NUP155: variants seen among roughly 807,000 people sequenced by gnomAD.
The protein encoded by NUP155 is nucleoporin 155, also known as nuclear pore complex protein Nup155.
Under a neutral mutation model 180.4 loss-of-function variants are expected in NUP155, and 71 were observed. That is an observed-to-expected ratio of 0.39 (90% CI 0.33 to 0.48). The LOEUF (loss-of-function observed/expected upper bound fraction) is 0.48. Among genes scored for constraint, NUP155 ranks in the 20% least tolerant of loss-of-function variants. The probability of loss-of-function intolerance (pLI) is 0.91; values close to 1 mark genes in which losing one functional copy is unlikely to be tolerated. For synonymous variants in NUP155, 582 were observed against 559.5 expected, an observed-to-expected ratio of 1.04 and a Z score of -0.57; for missense variants, 1,553 against 1,648.9, an observed-to-expected ratio of 0.94 and a Z score of 1.01.
Position 37,294,000 on chromosome 5 carries a change from C to T in NUP155, c.3930+329G>A, listed in dbSNP as rs1211495960. Among the ~76,000 whole-genome samples, 3 of 27,136 alleles carry T rather than the reference C, an allele frequency of 1.1e-4. 1 individual carries two copies. Among genetic ancestry groups the T allele is most frequent in the South Asian group, 2.5e-3 (2 of 800 alleles). The allele number at this position is 27,136 out of a possible 152,430, so 17.8% of individuals were successfully genotyped here. On this transcript the variant is annotated intron_variant, in intron 33 of 34. Transcript: ENST00000231498. ...CGGCCTGGGCAACAGAGCGAGACGCCGTCTCAAAAAAAAAAAAAAAAAAAA... is the reference window on the plus strand; with the variant it reads ...CGGCCTGGGCAACAGAGCGAGACGCTGTCTCAAAAAAAAAAAAAAAAAAAA...
chr5:37,334,525 C>T (rs1057052574), intron 12 of NUP155, among the ~76,000 whole-genome samples: 6 of 151,932 alleles, frequency 3.9e-5, no homozygotes, highest in Admixed American at 6.6e-5. Flanking sequence ...GGATTAGAGA[C>T]GCACACCACC....
intron 10 of NUP155, among the ~76,000 whole-genome samples, chr5:37,341,555 T>A (rs980120783): frequency 1.3e-5 from 2 of 152,112 alleles, no homozygotes; most frequent in African/African-American, 4.8e-5. Flanking sequence ...TTTTATTTTT[T>A]TTTGAGACAG....
chr5:37,292,417 G>C (rs904439569), intron 34 of NUP155, among the ~76,000 whole-genome samples: 4 of 151,790 alleles, frequency 2.6e-5, no homozygotes, highest in African/African-American at 9.7e-5. Context: ...GGGGTTTCAC[G>C]TGTTAGCCAG....
In NUP155 at chr5:37,303,290, C is replaced by T. The variant is rs148111764; in HGVS notation, c.3287G>A (p.Arg1096His). Residue 1096 changes from arginine (R) to histidine (H), a missense_variant, in exon 28 of 35, where the codon CGT becomes CAT. Physicochemically the swap from Arg to His is conservative, Grantham distance 29 (BLOSUM62 0). Transcript: ENST00000231498. ...CATGTCAGCCAGTCTGGACAGTACA[C>T]GAGCAGCATTACTGAAACTTCTGTT... ...EKNRSFSNAA[R>H]VLSRLADMHS... The T allele has an allele frequency of 4.5e-4, 731 of 1,613,994 alleles. No individual in the cohort carries two copies. The highest frequency in any genetic ancestry group is 4.7e-4 in the Non-Finnish European group (557 of 1,180,004).
At position 37,329,214 on chromosome 5, in the gene NUP155, TG is replaced by T; in HGVS notation, c.1788del (p.Ile597SerfsTer53). The T allele has an allele frequency of 6.2e-7, 1 of 1,613,756 alleles. No homozygotes were observed. The highest frequency in any genetic ancestry group is 8.5e-7 in the Non-Finnish European group (1 of 1,179,706). ...CTAGAATAGACAGGAGACCCCAAGATGGGACCAACATTACTTGGAGGCGGAA... is the reference window on the plus strand; with the variant it reads ...CTAGAATAGACAGGAGACCCCAAGATGGACCAACATTACTTGGAGGCGGAA... ...TTLPPPSNVGPILGSPVYSSS... is the reference protein window; with the variant it reads ...TTLPPPSNVGXILGSPVYSSS... On this transcript the variant is annotated frameshift_variant, in exon 16 of 35. Coordinates refer to ENST00000231498, the MANE Select transcript of NUP155 (RefSeq NM_153485.3). LOFTEE classifies it high-confidence loss of function.
Position 37,371,096 on chromosome 5 carries a change from G to A in NUP155, c.-119C>T, listed in dbSNP as rs566467555. Reference sequence around the variant, plus strand: ...GGCGCGCGCGCCAAACGAGCGCCTTGGCGCCTCGACATGACGCACTTCCGC... The same window carrying A: ...GGCGCGCGCGCCAAACGAGCGCCTTAGCGCCTCGACATGACGCACTTCCGC... On this transcript the variant is annotated 5_prime_UTR_variant, in exon 1 of 35. Coordinates refer to ENST00000231498, the MANE Select transcript of NUP155 (RefSeq NM_153485.3). 1.2e-3 allele frequency: 1,223 copies of A among 1,000,660 alleles called. 7 individuals are homozygous for A. Among genetic ancestry groups the A allele is most frequent in the South Asian group, 4.5e-3 (333 of 73,532 alleles). The allele number at this position is 1,000,660 out of a possible 1,614,324, so 62.0% of individuals were successfully genotyped here.
intron 32 of NUP155, among the ~76,000 whole-genome samples, chr5:37,297,064 G>C (rs899896228): frequency 1.3e-5 from 2 of 151,984 alleles, no homozygotes; most frequent in Non-Finnish European, 2.9e-5. Flanking sequence ...ACTAGCTTGG[G>C]CAACACCATG....
In NUP155 at chr5:37,333,533, A is replaced by C; in HGVS notation, c.1448T>G (p.Ile483Arg). ...ITPLNKDHIP[I>R]TDSPVVVQQH... is the part of the protein sequence containing the mutation. ...CTGTACAACAACTGGTGAATCAGTT[A>C]TTGGAATATGATCCTTGTTTAAAGG... Residue 483 changes from isoleucine (I) to arginine (R), a missense_variant, in exon 13 of 35, where the codon ATA becomes AGA. By Grantham distance (97) the Ile-to-Arg change is moderately conservative. Transcript: ENST00000231498. 6.2e-7 allele frequency: 1 copy of C among 1,613,498 alleles called. No individual in the cohort carries two copies. Among genetic ancestry groups the C allele is most frequent in the Non-Finnish European group, 8.5e-7 (1 of 1,179,408 alleles).
At chr5:37,364,126 G>T (rs998422966) in intron 2 of NUP155, 121 bp downstream of exon 2, 3 of 1,121,874 alleles carry the variant, frequency 2.7e-6, no homozygotes, top group South Asian at 2.6e-5. Flanking sequence ...ATACTTAAAC[G>T]AATTTTAAAT....
intron 19 of NUP155, 103 bp from the exon 20 acceptor site, chr5:37,324,210 T>C: frequency 2.6e-6 from 2 of 757,752 alleles, no homozygotes; most frequent in Non-Finnish European, 2.3e-6. Context: ...TAGTTATTTC[T>C]TGTATCAATT....
chr5:37,295,775 C>T lies in NUP155; in HGVS notation c.3794-1310G>A, dbSNP rs1429859572. On this transcript the variant is annotated intron_variant, in intron 32 of 34. Transcript: ENST00000231498. ...GTGAGGAGACCCTCTGCCTGGCAAC[C>T]GCCCTGTCTGAGAAGTGAGGAGCCC... Among the ~76,000 whole-genome samples, 11 of 151,400 alleles carry T rather than the reference C, an allele frequency of 7.3e-5. No individual in the cohort carries two copies. The South Asian group carries it at 8.3e-4, about 11-fold the overall frequency.
In NUP155 at chr5:37,341,377, T is replaced by C; in HGVS notation, c.1094-135A>G. On this transcript the variant is annotated intron_variant, in intron 10 of 34. Coordinates refer to ENST00000231498, the MANE Select transcript of NUP155 (RefSeq NM_153485.3). ...TAACTTTCCTGACTAATTTTTATTT[T>C]TGGAGATGGAGTCTAGCTCTGTCGC... The C allele has an allele frequency of 5.1e-6, 4 of 792,050 alleles. No individual in the cohort carries two copies. The Admixed American group carries it at 8.3e-5, about 16-fold the overall frequency. The allele number at this position is 792,050 out of a possible 1,614,324, so 49.1% of individuals were successfully genotyped here.
rs971244125 is a variant in NUP155, at chr5:37,371,030, C to T, written c.-53G>A. On this transcript the variant is annotated 5_prime_UTR_variant, in exon 1 of 35. Coordinates refer to ENST00000231498, the MANE Select transcript of NUP155 (RefSeq NM_153485.3). ...GAAAAAGTCAAAAACCAAGGAGAAACAAGAAAAGATCCAAGAAGTTAGCTT... is the reference window on the plus strand; with the variant it reads ...GAAAAAGTCAAAAACCAAGGAGAAATAAGAAAAGATCCAAGAAGTTAGCTT... 1.3e-6 allele frequency: 2 copies of T among 1,589,728 alleles called. No homozygotes were observed. Among genetic ancestry groups the T allele is most frequent in the South Asian group, 1.1e-5 (1 of 90,638 alleles).
chr5:37,318,096 A>C lies in NUP155; in HGVS notation c.2208-11T>G, dbSNP rs1185707534. 1 of 1,481,310 alleles carries C rather than the reference A, an allele frequency of 6.8e-7. No homozygotes were observed. The allele number at this position is 1,481,310 out of a possible 1,614,324, so 91.8% of individuals were successfully genotyped here. ...ACTTTAGCAGTAGTACTGAAACAGA[A>C]ATTGCAGAATGTGTGTGTTTATAAC... is the stretch of plus-strand genomic sequence containing the variant. On this transcript the variant is annotated splice_polypyrimidine_tract_variant and intron_variant, in intron 20 of 34. Transcript: ENST00000231498.
chr5:37,349,280 G>C, intron 7 of NUP155, 35 bp from the exon 8 acceptor site: 1 of 662,124 alleles, frequency 1.5e-6, no homozygotes, highest in Non-Finnish European at 2.5e-6. Flanking sequence ...AGAGAAAAAA[G>C]TAAACCCAAG....
At chr5:37,367,619 G>C (rs1185855948) in intron 1 of NUP155, among the ~76,000 whole-genome samples, 1 of 149,622 alleles carries the variant, frequency 6.7e-6, no homozygotes, top group Admixed American at 6.7e-5. Flanking sequence ...TGCAAGCTCC[G>C]CCTCCCGGGT....
Position 37,371,097 on chromosome 5 carries a change from G to GCGCCTCGA in NUP155, c.-128_-121dup. On this transcript the variant is annotated 5_prime_UTR_variant, in exon 1 of 35. Transcript: ENST00000231498. ...GCGCGCGCGCCAAACGAGCGCCTTG[G>GCGCCTCGA]CGCCTCGACATGACGCACTTCCGCT... 1 of 983,362 alleles carries GCGCCTCGA rather than the reference G, an allele frequency of 1.0e-6. No individual in the cohort carries two copies. The highest frequency in any genetic ancestry group is 1.5e-6 in the Non-Finnish European group (1 of 647,202). The allele number at this position is 983,362 out of a possible 1,614,324, so 60.9% of individuals were successfully genotyped here. A position where few individuals can be genotyped will look rare whatever the true frequency, so the allele number is the denominator to read the frequency against.
rs778571654 is a variant in NUP155 at position 37,304,774 on chromosome 5, G to A, written c.3127C>T (p.Leu1043=). The change falls in exon 27 of 35, where the codon CTA becomes TTA. Residue 1043 remains leucine (L), a synonymous_variant. Transcript: ENST00000231498. ...ELFSIALYNW[L]IQVDLADKLL... ...TTATCTGCAAGGTCGACTTGTATTA[G>A]CCAATTATAAAGGGCAATACTAAAG... The A allele has an allele frequency of 1.2e-6, 2 of 1,613,480 alleles. No homozygotes were observed. The highest frequency in any genetic ancestry group is 2.2e-5 in the South Asian group (2 of 91,060).
chr5:37,333,806 GTTTTTGT>G (rs1745136584), intron 12 of NUP155, among the ~76,000 whole-genome samples, 173 bp from the exon 13 acceptor site: 1 of 151,454 alleles, frequency 6.6e-6, no homozygotes, highest in East Asian at 1.9e-4. Flanking sequence ...TATTTTCTGG[GTTTTTGT>G]TTTTTGTTTT....
Sources: allele counts gnomAD v4.1 joint callset (sites outside exome capture counted in the v4.1 genomes callset), GRCh38; gene constraint gnomAD v4.1.1; transcripts MANE v1.5; gene names NCBI Gene and HGNC (gene_info 2026-07-23, HGNC 2026-07-21).